The following ARRB1 variants were observed in gnomAD, a reference collection of about 807,000 sequenced individuals.
ARRB1 encodes the protein arrestin beta 1.
In ARRB1, 21 loss-of-function variants were observed where a neutral mutation model predicts 56.8. That is an observed-to-expected ratio of 0.37 (90% CI 0.26 to 0.53). The LOEUF is 0.53. ARRB1 is among the 20% of genes least tolerant of loss of function. The pLI, the probability that ARRB1 is intolerant of heterozygous loss-of-function variation, is 0.88. For missense variants in ARRB1, 424 were observed against 553.7 expected (o/e 0.77, Z 2.35); for synonymous variants, 210 against 218.6 (o/e 0.96, Z 0.35).
chr11:75,327,071 T>C (rs997032202), intron 1 of ARRB1, among the ~76,000 whole-genome samples: 2 of 151,824 alleles, frequency 1.3e-5, no homozygotes, highest in Admixed American at 6.5e-5. Flanking sequence ...TCCCAACACT[T>C]TGGGAGGCCG....
At position 75,263,501 on chromosome 11, in the gene ARRB1, C is replaced by T. The variant is rs1945844134; in HGVS notation, c.*2662G>A. 6.6e-6 allele frequency among the ~76,000 whole-genome samples: 1 copy of T among 152,004 alleles called. No individual in the cohort carries two copies. The highest frequency in any genetic ancestry group is 2.4e-5 in the African/African-American group (1 of 41,370). On this transcript the variant is annotated 3_prime_UTR_variant, in exon 16 of 16. Coordinates refer to ENST00000420843, the MANE Select transcript of ARRB1 (RefSeq NM_004041.5). ...TGAATCCACCTGGAAAGGGCACCGT[C>T]TTCTAATTCACATCAAGGCACCATA...
At chr11:75,346,418 C>T (rs548980927) in intron 1 of ARRB1, among the ~76,000 whole-genome samples, 1 of 152,184 alleles carries the variant, frequency 6.6e-6, no homozygotes, top group South Asian at 2.1e-4. Flanking sequence ...AGATAAAACC[C>T]CTAGGTTCCC....
rs201836636 is a variant in ARRB1 at position 75,341,137 on chromosome 11, C to CTT, written c.20+10449_20+10450dup. Among the ~76,000 whole-genome samples, 707 of 152,108 alleles carry CTT rather than the reference C, an allele frequency of 4.6e-3. 18 individuals are homozygous for CTT. The highest frequency in any genetic ancestry group is 0.016 in the African/African-American group (666 of 41,488). On this transcript the variant is annotated intron_variant, in intron 1 of 15. Coordinates refer to ENST00000420843, the MANE Select transcript of ARRB1 (RefSeq NM_004041.5). ...CACCCTCAGTCTTGAATGATGATGG[C>CTT]TTTTTTGTTGTTGTTGTTGAGACAG...
At chr11:75,330,855 C>G (rs2140507142) in intron 1 of ARRB1, among the ~76,000 whole-genome samples, 1 of 152,318 alleles carries the variant, frequency 6.6e-6, no homozygotes. Context: ...TAGAAGGCAG[C>G]TGGGCTGAAA....
intron 1 of ARRB1, among the ~76,000 whole-genome samples, chr11:75,312,437 G>A (rs1410864688): frequency 6.6e-6 from 1 of 152,218 alleles, no homozygotes; most frequent in Non-Finnish European, 1.5e-5. Flanking sequence ...CCCAGGAGAG[G>A]AGAAAGGGGA....
chr11:75,349,292 T>TA (rs1204510007), intron 1 of ARRB1, among the ~76,000 whole-genome samples: 1 of 152,152 alleles, frequency 6.6e-6, no homozygotes, highest in Non-Finnish European at 1.5e-5. Context: ...AGTCAGTAAG[T>TA]ACAAGGGAAG....
At chr11:75,269,926 C>T (rs1946038173) in intron 13 of ARRB1, among the ~76,000 whole-genome samples, 2 of 152,234 alleles carry the variant, frequency 1.3e-5, no homozygotes, top group South Asian at 4.1e-4. Flanking sequence ...AGGAGACCAC[C>T]CAACTGCGAG....
rs919574387 is a variant in ARRB1, at chr11:75,265,657, G to C, written c.*506C>G. ...TTTGGTGGGTCAGAACTTCAAAAAG[G>C]CATTGAGAATCTGTCCACAGTTCTG... is the stretch of plus-strand genomic sequence containing the variant. On this transcript the variant is annotated 3_prime_UTR_variant, in exon 16 of 16. Coordinates refer to ENST00000420843, the MANE Select transcript of ARRB1 (RefSeq NM_004041.5). The C allele has an allele frequency of 1.3e-5, 2 of 159,298 alleles. No homozygotes were observed. Among genetic ancestry groups the C allele is most frequent in the African/African-American group, 4.8e-5 (2 of 41,602 alleles). The allele number at this position is 159,298 out of a possible 1,614,324, so 9.9% of individuals were successfully genotyped here.
intron 12 of ARRB1, chr11:75,272,652 G>A: frequency 1.9e-6 from 1 of 525,146 alleles, no homozygotes; most frequent in East Asian, 3.3e-5. Context: ...GATAGAGGAG[G>A]AGGAGAGAGA....
At chr11:75,318,952 GGAAAAA>G (rs1285425526) in intron 1 of ARRB1, among the ~76,000 whole-genome samples, 1 of 152,080 alleles carries the variant, frequency 6.6e-6, no homozygotes, top group Non-Finnish European at 1.5e-5. Context: ...AAGGAAAGGA[GGAAAAA>G]GAAAAACTTT....
At chr11:75,315,473 G>A (rs1947250197) in intron 1 of ARRB1, among the ~76,000 whole-genome samples, 1 of 152,164 alleles carries the variant, frequency 6.6e-6, no homozygotes, top group Admixed American at 6.5e-5. Flanking sequence ...AAAGCCTCCA[G>A]TCCACAGGTC....
rs1946765153 is a variant in ARRB1 at position 75,296,954 on chromosome 11, C to T, written c.21-6915G>A. Among the ~76,000 whole-genome samples, 3 of 152,078 alleles carry T rather than the reference C, an allele frequency of 2.0e-5. No homozygotes were observed. In the South Asian group the frequency reaches 6.2e-4, roughly 32 times the overall value. On this transcript the variant is annotated intron_variant, in intron 1 of 15. Coordinates refer to ENST00000420843, the MANE Select transcript of ARRB1 (RefSeq NM_004041.5). ...GGATTACAGGTGTGAGCCACTGTGC[C>T]CAGCCAACAATGGAATATTATACAG... is the stretch of plus-strand genomic sequence containing the variant.
chr11:75,334,071 C>T (rs1207093800), intron 1 of ARRB1, among the ~76,000 whole-genome samples: 1 of 152,196 alleles, frequency 6.6e-6, no homozygotes, highest in African/African-American at 2.4e-5. Context: ...GTGGCTCACG[C>T]TTGTAATCCC....
chr11:75,283,542 G>C lies in ARRB1; in HGVS notation c.158-59C>G, dbSNP rs541850844. 48 of 1,494,180 alleles carry C rather than the reference G, an allele frequency of 3.2e-5. No homozygotes were observed. In the African/African-American group the frequency reaches 5.9e-4, roughly 18 times the overall value. 92.6% of individuals were successfully genotyped at this position (1,494,180 alleles called of 1,614,324 possible). ...GGGAGAGCAGCAAGCGAGCCCCCCA[G>C]AGTGCCGGCAGCAGCCCTGGGACGG... On this transcript the variant is annotated intron_variant, in intron 4 of 15. Coordinates refer to ENST00000420843, the MANE Select transcript of ARRB1 (RefSeq NM_004041.5).
At position 75,344,777 on chromosome 11, in the gene ARRB1, T is replaced by G. The variant is rs1947740996; in HGVS notation, c.20+6811A>C. Among the ~76,000 whole-genome samples the G allele has an allele frequency of 2.6e-5, 4 of 152,086 alleles. No individual in the cohort carries two copies. In the South Asian group the frequency reaches 8.3e-4, roughly 32 times the overall value. On this transcript the variant is annotated intron_variant, in intron 1 of 15. Coordinates refer to ENST00000420843, the MANE Select transcript of ARRB1 (RefSeq NM_004041.5). ...CCAACTTCAGGAGCCCCCAGTGTGA[T>G]GGGGGAAGAAAGGAAGAAAGAGTTC... is the stretch of plus-strand genomic sequence containing the variant.
At chr11:75,314,538 G>T (rs1947228245) in intron 1 of ARRB1, among the ~76,000 whole-genome samples, 1 of 152,162 alleles carries the variant, frequency 6.6e-6, no homozygotes, top group Non-Finnish European at 1.5e-5. Context: ...CAGAGCAATG[G>T]TTAAGGCTTT....
intron 1 of ARRB1, among the ~76,000 whole-genome samples, chr11:75,301,897 A>T (rs553124415): frequency 6.6e-6 from 1 of 152,282 alleles, no homozygotes; most frequent in East Asian, 1.9e-4. Flanking sequence ...AGGGGGAAGG[A>T]GGCAGGAAGG....
intron 1 of ARRB1, among the ~76,000 whole-genome samples, chr11:75,311,191 C>G (rs1947148180): frequency 1.3e-5 from 2 of 152,104 alleles, no homozygotes; most frequent in South Asian, 4.1e-4. Flanking sequence ...ACAAAATTAG[C>G]CTGGCGTGGT....
intron 5 of ARRB1, 108 bp from the exon 6 acceptor site, chr11:75,282,129 G>GGATA: frequency 8.6e-7 from 1 of 1,164,232 alleles, no homozygotes; most frequent in Non-Finnish European, 1.3e-6. Context: ...GGGCCCCAGG[G>GGATA]GACAGGCCAT....
Sources: gnomAD v4.1 joint callset for allele counts (sites outside exome capture counted in the v4.1 genomes callset) on GRCh38, gnomAD v4.1.1 for gene constraint, MANE v1.5 for transcripts, NCBI Gene and HGNC (gene_info 2026-07-23, HGNC 2026-07-21) for gene names.